Variants in RSPRY1 observed in about 807,000 individuals in gnomAD.
RSPRY1 encodes RING finger and SPRY domain-containing protein 1.
Under a neutral mutation model 73.1 loss-of-function variants are expected in RSPRY1, and 23 were observed. That is an observed-to-expected ratio of 0.31 (90% CI 0.23 to 0.45). The LOEUF (loss-of-function observed/expected upper bound fraction) is 0.45, where lower values mean the gene tolerates loss of function less well. Among genes scored for constraint, RSPRY1 ranks in the 20% least tolerant of loss-of-function variants. The probability of loss-of-function intolerance (pLI) is 1.00; values close to 1 mark genes in which losing one functional copy is unlikely to be tolerated. For synonymous variants in RSPRY1, 226 were observed against 251.4 expected (o/e 0.90, Z 0.95); for missense variants, 448 against 698.7 (o/e 0.64, Z 4.05).
intron 4 of RSPRY1, among the ~76,000 whole-genome samples, chr16:57,210,075 T>TTCC (rs1193753684): frequency 0.031 from 4,260 of 138,146 alleles, 293 homozygotes; most frequent in East Asian, 0.23. Flanking sequence ...TCCTTCCTTC[T>TTCC]TTCCTTCCCT....
chr16:57,195,042 A>G (rs530461696), intron 1 of RSPRY1, among the ~76,000 whole-genome samples: 20 of 152,322 alleles, frequency 1.3e-4, no homozygotes, highest in Non-Finnish European at 2.6e-4. Flanking sequence ...AAGAAAAATG[A>G]AAAAACATGT....
Position 57,204,547 on chromosome 16 carries a change from G to C in RSPRY1, c.-112G>C. On this transcript the variant is annotated 5_prime_UTR_variant, in exon 2 of 15. Transcript: ENST00000394420. ...AGAATCCCCTGTAGTTGATAATGTTGGGAATAAGCTCTGCAACTTTCTTTG... is the reference window on the plus strand; with the variant it reads ...AGAATCCCCTGTAGTTGATAATGTTCGGAATAAGCTCTGCAACTTTCTTTG... The C allele has an allele frequency of 2.2e-6, 2 of 892,500 alleles. No individual in the cohort carries two copies. Among genetic ancestry groups the C allele is most frequent in the South Asian group, 3.1e-5 (2 of 63,554 alleles). The allele number at this position is 892,500 out of a possible 1,614,324, so 55.3% of individuals were successfully genotyped here.
intron 11 of RSPRY1, among the ~76,000 whole-genome samples, chr16:57,228,030 A>G (rs2075145400): frequency 6.6e-6 from 1 of 152,132 alleles, no homozygotes; most frequent in African/African-American, 2.4e-5. Flanking sequence ...AGAAAGCAGA[A>G]ATTTAGGCTG....
chr16:57,238,831 G>T, intron 14 of RSPRY1, 48 bp from the exon 15 acceptor site: 2 of 1,097,896 alleles, frequency 1.8e-6, no homozygotes, highest in South Asian at 3.4e-5. Context: ...GTTGGAGTTT[G>T]ACCTTTTGAA....
At chr16:57,192,456 A>G (rs2074366766) in intron 1 of RSPRY1, among the ~76,000 whole-genome samples, 1 of 152,134 alleles carries the variant, frequency 6.6e-6, no homozygotes, top group African/African-American at 2.4e-5. Flanking sequence ...AAATTTTTCA[A>G]TCCTTAAGAT....
intron 1 of RSPRY1, among the ~76,000 whole-genome samples, chr16:57,203,548 C>T (rs550504304): frequency 1.3e-5 from 2 of 152,226 alleles, no homozygotes; most frequent in Admixed American, 6.5e-5. Context: ...ATGTAAGTCT[C>T]CTATTTCTAA....
chr16:57,197,368 A>G (rs1392269312), intron 1 of RSPRY1, among the ~76,000 whole-genome samples: 1 of 152,220 alleles, frequency 6.6e-6, no homozygotes, highest in Non-Finnish European at 1.5e-5. Flanking sequence ...TAGTCATCTC[A>G]GAAAGTATTT....
chr16:57,214,247 T>C (rs2074898324), intron 6 of RSPRY1, among the ~76,000 whole-genome samples: 1 of 152,194 alleles, frequency 6.6e-6, no homozygotes, highest in Non-Finnish European at 1.5e-5. Flanking sequence ...CAAATGGTAA[T>C]AGGGACCTCC....
At chr16:57,238,792 G>A (rs1181288268) in intron 14 of RSPRY1, 87 bp from the exon 15 acceptor site, 6 of 639,354 alleles carry the variant, frequency 9.4e-6, no homozygotes, top group Non-Finnish European at 1.3e-5. Flanking sequence ...GAACAAACTT[G>A]TTAACATTTT....
rs543804561 is a variant in RSPRY1, at chr16:57,193,678, CA to C, written c.-156+7230del. Among the ~76,000 whole-genome samples the C allele has an allele frequency of 3.7e-3, 555 of 152,028 alleles. 2 individuals carry two copies. The highest frequency in any genetic ancestry group is 0.012 in the African/African-American group (506 of 41,480). On this transcript the variant is annotated intron_variant, in intron 1 of 14. Coordinates refer to ENST00000394420, the MANE Select transcript of RSPRY1 (RefSeq NM_133368.3). ...TGGCTAATTTTTGTATTTTTTTAAG[CA>C]AATATGTTTCTAGATAATGTTCTCT...
intron 1 of RSPRY1, among the ~76,000 whole-genome samples, chr16:57,191,929 T>C (rs1049279415): frequency 2.0e-5 from 3 of 152,192 alleles, no homozygotes; most frequent in Non-Finnish European, 4.4e-5. Flanking sequence ...AGTTTGTCCC[T>C]AACCCCAGCT....
Position 57,230,588 on chromosome 16 carries a change from C to T in RSPRY1, c.1274-123C>T, listed in dbSNP as rs1266123869. ...CAGTTACAGAAGAAACAAAAATTAA[C>T]ATGTTGAATGCATAGCTAAAGATGC... On this transcript the variant is annotated intron_variant, in intron 11 of 14. Transcript: ENST00000394420. 6 of 528,620 alleles carry T rather than the reference C, an allele frequency of 1.1e-5. No homozygotes were observed. In the East Asian group the frequency reaches 1.2e-4, roughly 10 times the overall value. 32.7% of individuals were successfully genotyped at this position (528,620 alleles called of 1,614,324 possible).
At chr16:57,195,114 A>T (rs1461823912) in intron 1 of RSPRY1, among the ~76,000 whole-genome samples, 2 of 152,364 alleles carry the variant, frequency 1.3e-5, no homozygotes, top group East Asian at 3.8e-4. Context: ...TTTCTTTTTT[A>T]AAAAGGCAAG....
intron 10 of RSPRY1, chr16:57,224,394 AAGG>A (rs1277304013): frequency 2.6e-5 from 4 of 152,238 alleles, no homozygotes; most frequent in Admixed American, 1.3e-4. Flanking sequence ...CAGCAGGAAA[AAGG>A]AGAGTGTCCA....
Position 57,213,902 on chromosome 16 carries a change from G to C in RSPRY1, c.658G>C (p.Gly220Arg). ...TATTTGTCTAGGTCCTGCAAGTATA[G>C]GTTTACTTAGCCCAGGAATACTGGA... ...AEKLAGPASIGLLSPGILEYL... is the reference protein window; with the variant it reads ...AEKLAGPASIRLLSPGILEYL... Residue 220 changes from glycine (G) to arginine (R), a missense_variant, in exon 6 of 15, where the codon GGT (glycine) becomes CGT (arginine). Coordinates refer to ENST00000394420, the MANE Select transcript of RSPRY1 (RefSeq NM_133368.3). The C allele has an allele frequency of 6.2e-7, 1 of 1,606,710 alleles. No individual in the cohort carries two copies. Among genetic ancestry groups the C allele is most frequent in the Non-Finnish European group, 8.5e-7 (1 of 1,173,242 alleles).
chr16:57,204,786 C>T lies in RSPRY1; in HGVS notation c.128C>T (p.Ser43Phe). Residue 43 changes from serine to phenylalanine, a missense_variant, in exon 2 of 15, where the codon TCC becomes TTC. Transcript: ENST00000394420. ...TGGAATTMGNSCICRDDSGTD... is the reference protein window; with the variant it reads ...TGGAATTMGNFCICRDDSGTD... ...GGTGCCGCTACTACCATGGGTAATTCCTGTATCTGCCGAGATGACAGTGGA... is the reference window on the plus strand; with the variant it reads ...GGTGCCGCTACTACCATGGGTAATTTCTGTATCTGCCGAGATGACAGTGGA... 1.2e-6 allele frequency: 2 copies of T among 1,614,174 alleles called. No individual in the cohort carries two copies. Among genetic ancestry groups the T allele is most frequent in the Non-Finnish European group, 1.7e-6 (2 of 1,180,038 alleles).
chr16:57,210,486 T>C (rs1459684783), intron 4 of RSPRY1, among the ~76,000 whole-genome samples: 1 of 152,114 alleles, frequency 6.6e-6, no homozygotes, highest in Non-Finnish European at 1.5e-5. Flanking sequence ...GTGGATCACC[T>C]GAGGTCAGGA....
At chr16:57,232,237 T>C (rs1597930121) in intron 13 of RSPRY1, among the ~76,000 whole-genome samples, 1 of 152,296 alleles carries the variant, frequency 6.6e-6, no homozygotes, top group East Asian at 1.9e-4. Flanking sequence ...AAAAAGCAGA[T>C]CTGCAAGCAG....
At chr16:57,235,067 C>A in intron 13 of RSPRY1, 57 bp from the exon 14 acceptor site, 1 of 1,215,782 alleles carries the variant, frequency 8.2e-7, no homozygotes, top group Non-Finnish European at 1.2e-6. Flanking sequence ...TCATATGCAT[C>A]ACTGCTAACA....
Sources: gnomAD v4.1 joint callset for allele counts (sites outside exome capture counted in the v4.1 genomes callset) on GRCh38, gnomAD v4.1.1 for gene constraint, MANE v1.5 for transcripts, NCBI Gene and HGNC (gene_info 2026-07-23, HGNC 2026-07-21) for gene names.